The following ACACA variants were observed in gnomAD, a reference collection of about 807,000 sequenced individuals.
ACACA encodes the protein acetyl-CoA carboxylase 1.
ACACA carries 103 observed loss-of-function variants against 296.1 expected under a neutral mutation model. The ratio of observed to expected loss-of-function variants is 0.35; its 90% CI spans 0.30 to 0.41. ACACA has a LOEUF of 0.41. Ranked by LOEUF, ACACA falls within the 10% of genes least tolerant of loss-of-function variation. The pLI is 1.00. For missense variants in ACACA, 1,554 were observed against 2,989.7 expected (o/e 0.52, Z 11.20); for synonymous variants, 953 against 1,038.6 (o/e 0.92, Z 1.58).
intron 35 of ACACA, among the ~76,000 whole-genome samples, chr17:37,195,886 A>G (rs10512477): frequency 0.34 from 51,909 of 151,922 alleles, 11,390 homozygotes; most frequent in African/African-American, 0.61. Flanking sequence ...TGTCATGGGC[A>G]AATATCATAA....
chr17:37,143,816 C>T (rs1452733878), intron 45 of ACACA: 2 of 1,298,404 alleles, frequency 1.5e-6, no homozygotes, highest in Middle Eastern at 2.6e-4. Context: ...GCTCAATATG[C>T]AGCAGTATCC....
chr17:37,399,363 T>A (rs571515006), intron 1 of ACACA, among the ~76,000 whole-genome samples: 2 of 152,314 alleles, frequency 1.3e-5, no homozygotes, highest in Middle Eastern at 6.8e-3. Context: ...TTTTCAATTA[T>A]ATTAAACAAT....
intron 45 of ACACA, among the ~76,000 whole-genome samples, chr17:37,147,608 G>T (rs2075867811): frequency 6.6e-6 from 1 of 152,152 alleles, no homozygotes; most frequent in Admixed American, 6.5e-5. Context: ...CATAAAATCG[G>T]GTGTCTTCAG....
At position 37,365,508 on chromosome 17, in the gene ACACA, C is replaced by T. The variant is rs1234210067; in HGVS notation, c.39-25658G>A. The T allele has an allele frequency of 7.1e-6, 7 of 985,340 alleles. No homozygotes were observed. The African/African-American group carries it at 1.0e-4, about 15-fold the overall frequency. The allele number at this position is 985,340 out of a possible 1,614,324, so 61.0% of individuals were successfully genotyped here. ...TCACGTTGTCTCTGAGAGGCAAAGC[C>T]TCCAGTGGGATATATAGCTGCTTTA... On this transcript the variant is annotated intron_variant, in intron 1 of 55. Transcript: ENST00000616317.
chr17:37,175,296 A>C (rs898905163), intron 41 of ACACA, among the ~76,000 whole-genome samples: 1 of 152,274 alleles, frequency 6.6e-6, no homozygotes, highest in Non-Finnish European at 1.5e-5. Flanking sequence ...CAAGTCCGTT[A>C]CAGCCCTTGG....
At position 37,373,034 on chromosome 17, in the gene ACACA, C is replaced by T. The variant is rs184634922; in HGVS notation, c.39-33184G>A. ...TAGCTGGGACTATAGGCATGTGCCA[C>T]GACGCCCAGATAATTTTTGTATTTT... On this transcript the variant is annotated intron_variant, in intron 1 of 55. Coordinates refer to ENST00000616317, the MANE Select transcript of ACACA (RefSeq NM_198834.3). Among the ~76,000 whole-genome samples the T allele has an allele frequency of 1.4e-3, 206 of 152,194 alleles. 2 individuals are homozygous for T. Among genetic ancestry groups the T allele is most frequent in the South Asian group, 0.011 (54 of 4,818 alleles).
At chr17:37,334,038 T>C (rs2048001903) in intron 2 of ACACA, among the ~76,000 whole-genome samples, 1 of 151,834 alleles carries the variant, frequency 6.6e-6, no homozygotes, top group South Asian at 2.1e-4. Flanking sequence ...TCCCAGGTGT[T>C]AGGTATACAA....
At chr17:37,203,470 G>A (rs1187037162) in intron 33 of ACACA, among the ~76,000 whole-genome samples, 2 of 151,952 alleles carry the variant, frequency 1.3e-5, no homozygotes, top group African/African-American at 2.4e-5. Flanking sequence ...CAGGCCGGGC[G>A]CAGTGGCTCA....
chr17:37,348,079 A>T (rs2048714038), intron 1 of ACACA, among the ~76,000 whole-genome samples: 1 of 151,934 alleles, frequency 6.6e-6, no homozygotes. Flanking sequence ...AGGCTGAGGC[A>T]GCAGAACTGC....
intron 10 of ACACA, among the ~76,000 whole-genome samples, chr17:37,265,454 A>G (rs995291867): frequency 7.2e-5 from 11 of 152,206 alleles, no homozygotes; most frequent in African/African-American, 2.4e-4. Context: ...GTCCAGAAGA[A>G]AATGAGGTTC....
At position 37,406,357 on chromosome 17, in the gene ACACA, TC is replaced by T; in HGVS notation, c.-59del. The T allele has an allele frequency of 6.3e-7, 1 of 1,587,810 alleles. No homozygotes were observed. Among genetic ancestry groups the T allele is most frequent in the Non-Finnish European group, 8.6e-7 (1 of 1,156,148 alleles). ...GAAGCCCAAAGAGGGGATGGTTCTT[TC>T]CAAAGAAGACAATTTCGACGTTCCA... On this transcript the variant is annotated 5_prime_UTR_variant, in exon 1 of 56. It introduces an in-frame stop codon into an upstream open reading frame of the 5' UTR. Transcript: ENST00000616317.
chr17:37,353,811 G>A (rs1014475664), intron 1 of ACACA, among the ~76,000 whole-genome samples: 8 of 151,412 alleles, frequency 5.3e-5, no homozygotes, highest in African/African-American at 1.7e-4. Flanking sequence ...GAGTTCATTC[G>A]GAATTTTCCA....
At position 37,246,681 on chromosome 17, in the gene ACACA, C is replaced by T. The variant is rs1006587697; in HGVS notation, c.2460+145G>A. ...CTCCTGGGCTCAAGCGATCTTCCTG[C>T]CTCAGCCTCCCAAAGTGGTAGGATT... On this transcript the variant is annotated intron_variant, in intron 19 of 55. Coordinates refer to ENST00000616317, the MANE Select transcript of ACACA (RefSeq NM_198834.3). The T allele has an allele frequency of 1.6e-5, 17 of 1,081,308 alleles. No homozygotes were observed. The Admixed American group carries it at 2.6e-4, about 16-fold the overall frequency. 67.0% of individuals were successfully genotyped at this position (1,081,308 alleles called of 1,614,324 possible). A position where few individuals can be genotyped will look rare whatever the true frequency, so the allele number is the denominator to read the frequency against.
At chr17:37,404,609 C>G (rs2051403524) in intron 1 of ACACA, among the ~76,000 whole-genome samples, 1 of 136,266 alleles carries the variant, frequency 7.3e-6, no homozygotes, top group African/African-American at 2.8e-5. Flanking sequence ...CAGTTTCACT[C>G]TGTTGCCCAG....
intron 52 of ACACA, among the ~76,000 whole-genome samples, chr17:37,100,482 C>T: frequency 6.6e-6 from 1 of 151,888 alleles, no homozygotes; most frequent in Non-Finnish European, 1.5e-5. Flanking sequence ...ACTGAGGAAA[C>T]ATGCTACAAA....
At chr17:37,279,873 T>A (rs2082434886) in intron 5 of ACACA, among the ~76,000 whole-genome samples, 1 of 152,146 alleles carries the variant, frequency 6.6e-6, no homozygotes, top group Non-Finnish European at 1.5e-5. Context: ...ATATTTTTGG[T>A]ATATATATGT....
intron 3 of ACACA, among the ~76,000 whole-genome samples, chr17:37,309,396 T>C (rs1292920091): frequency 6.6e-6 from 1 of 152,132 alleles, no homozygotes; most frequent in African/African-American, 2.4e-5. Flanking sequence ...AAACAAAATA[T>C]ATGGCTTCTG....
chr17:37,115,484 C>A (rs566167102), intron 50 of ACACA, among the ~76,000 whole-genome samples: 27 of 151,872 alleles, frequency 1.8e-4, no homozygotes, highest in Non-Finnish European at 2.9e-4. Context: ...AAAGACAGCA[C>A]AAAAAGTCAT....
chr17:37,284,553 C>T (rs1307550523), intron 4 of ACACA, among the ~76,000 whole-genome samples: 1 of 152,196 alleles, frequency 6.6e-6, no homozygotes, highest in Non-Finnish European at 1.5e-5. Flanking sequence ...AGTGATCCTT[C>T]CATTTTAGCC....
Sources: allele counts gnomAD v4.1 joint callset (sites outside exome capture counted in the v4.1 genomes callset), GRCh38; gene constraint gnomAD v4.1.1; transcripts MANE v1.5; gene names NCBI Gene and HGNC (gene_info 2026-07-23, HGNC 2026-07-21).